RALGPS2: variants seen among roughly 807,000 people sequenced by gnomAD.
The protein encoded by RALGPS2 is Ral GEF with PH domain and SH3 binding motif 2.
RALGPS2 carries 43 observed loss-of-function variants against 86.8 expected under a neutral mutation model. The observed-to-expected ratio is 0.50, with a 90% CI of 0.39 to 0.64. The LOEUF (loss-of-function observed/expected upper bound fraction) is 0.64. RALGPS2 is among the 30% of genes least tolerant of loss of function. The pLI is 0.00. For synonymous variants in RALGPS2, 243 were observed against 231.3 expected, an observed-to-expected ratio of 1.05 and a Z score of -0.46; for missense variants, 536 against 694.6, an observed-to-expected ratio of 0.77 and a Z score of 2.57.
At chr1:178,838,569 A>G (rs1386988352) in intron 8 of RALGPS2, among the ~76,000 whole-genome samples, 4 of 152,332 alleles carry the variant, frequency 2.6e-5, no homozygotes, top group South Asian at 2.1e-4. Context: ...AAAGATGGGG[A>G]AAAAACAGAA....
At chr1:178,801,825 AGG>A (rs2102174484) in intron 4 of RALGPS2, among the ~76,000 whole-genome samples, 1 of 103,280 alleles carries the variant, frequency 9.7e-6, no homozygotes, top group South Asian at 3.7e-4. Flanking sequence ...GAAGGGAGGG[AGG>A]GAGGGAGGGA....
chr1:178,788,521 C>A (rs1184850968), intron 4 of RALGPS2, among the ~76,000 whole-genome samples: 1 of 152,136 alleles, frequency 6.6e-6, no homozygotes, highest in Admixed American at 6.6e-5. Context: ...GAGAAGATGA[C>A]ATCTGCATTA....
chr1:178,826,792 G>A (rs80170742), intron 7 of RALGPS2, among the ~76,000 whole-genome samples: 257 of 152,188 alleles, frequency 1.7e-3, no homozygotes, highest in African/African-American at 5.8e-3. Flanking sequence ...AAAGGACATC[G>A]TTTACAATAT....
intron 1 of RALGPS2, among the ~76,000 whole-genome samples, chr1:178,730,694 GT>G (rs770709282): frequency 1.4e-4 from 19 of 136,316 alleles, no homozygotes; most frequent in African/African-American, 1.3e-4. Flanking sequence ...TGAGAATTCT[GT>G]TTTTTTTTTT....
At chr1:178,737,671 T>C (rs1650792333) in intron 1 of RALGPS2, among the ~76,000 whole-genome samples, 1 of 152,258 alleles carries the variant, frequency 6.6e-6, no homozygotes, top group Admixed American at 6.5e-5. Context: ...AGTATTTTTA[T>C]GGCTTAAATA....
chr1:178,770,271 A>C (rs1271449258), intron 1 of RALGPS2, among the ~76,000 whole-genome samples: 1 of 151,372 alleles, frequency 6.6e-6, no homozygotes, highest in Non-Finnish European at 1.5e-5. Flanking sequence ...CAATCCACCC[A>C]CCTCGGCCTC....
At position 178,872,787 on chromosome 1, in the gene RALGPS2, G is replaced by T. The variant is rs115710594; in HGVS notation, c.608-4711G>T. On this transcript the variant is annotated intron_variant, in intron 8 of 19. Transcript: ENST00000367635. ...GCACTTAGTAATATCACTAGCCAGG[G>T]TAGGAAATTGGAATGACAGGTATTT... Among the ~76,000 whole-genome samples the T allele has an allele frequency of 3.7e-3, 559 of 152,286 alleles. 5 individuals are homozygous for T. The highest frequency in any genetic ancestry group is 0.012 in the African/African-American group (507 of 41,560).
intron 19 of RALGPS2, among the ~76,000 whole-genome samples, chr1:178,907,231 A>T (rs1243585026): frequency 6.6e-6 from 1 of 152,210 alleles, no homozygotes; most frequent in Non-Finnish European, 1.5e-5. Flanking sequence ...AGAAGAGGAG[A>T]GCAGAGTGCT....
In RALGPS2 at chr1:178,878,982, G is replaced by A. The variant is rs772384760; in HGVS notation, c.826G>A (p.Asp276Asn). 6.8e-6 allele frequency: 11 copies of A among 1,612,146 alleles called. No homozygotes were observed. Among genetic ancestry groups the A allele is most frequent in the Middle Eastern group, 3.3e-4 (2 of 6,070 alleles). The change falls in exon 10 of 20, where the codon GAT becomes AAT. Residue 276 changes from aspartate to asparagine, a missense_variant. Around this residue, in one of 3 missense-constraint regions of RALGPS2, gnomAD observed 184 missense variants for 296.7 expected, o/e 0.62. Coordinates refer to ENST00000367635, the MANE Select transcript of RALGPS2 (RefSeq NM_152663.5). ...IEELQKFVED[D>N]NYKLSLKIEP... ...AGAACTACAAAAATTTGTGGAAGAC[G>A]ATAATTACAAGTAGGTTGGATCTTC...
At chr1:178,809,631 T>G (rs1006621854) in intron 5 of RALGPS2, among the ~76,000 whole-genome samples, 1 of 152,134 alleles carries the variant, frequency 6.6e-6, no homozygotes, top group African/African-American at 2.4e-5. Flanking sequence ...GTCTTGGTGT[T>G]GGTTATTCTG....
intron 8 of RALGPS2, among the ~76,000 whole-genome samples, chr1:178,837,263 A>T (rs1040014150): frequency 6.6e-6 from 1 of 152,170 alleles, no homozygotes; most frequent in Non-Finnish European, 1.5e-5. Context: ...ATTTTTAGGT[A>T]CTAAAATACT....
Position 178,785,547 on chromosome 1 carries a change from T to A in RALGPS2, c.163-10T>A, listed in dbSNP as rs1248822930. 6.3e-7 allele frequency: 1 copy of A among 1,576,696 alleles called. No homozygotes were observed. Among genetic ancestry groups the A allele is most frequent in the African/African-American group, 1.4e-5 (1 of 72,908 alleles). On this transcript the variant is annotated splice_polypyrimidine_tract_variant and intron_variant, in intron 3 of 19. Transcript: ENST00000367635. ...AAAGAAGAAATTGTCATTTTTACTTTATATTTCAGGGTCAGATAACATTAA... is the reference window on the plus strand; with the variant it reads ...AAAGAAGAAATTGTCATTTTTACTTAATATTTCAGGGTCAGATAACATTAA...
intron 19 of RALGPS2, among the ~76,000 whole-genome samples, chr1:178,916,087 C>G (rs1660801953): frequency 6.6e-6 from 1 of 152,170 alleles, no homozygotes; most frequent in Admixed American, 6.5e-5. Flanking sequence ...GATATTGTCT[C>G]TACCCCTTCT....
chr1:178,737,356 C>T (rs1650767398), intron 1 of RALGPS2, among the ~76,000 whole-genome samples: 1 of 152,176 alleles, frequency 6.6e-6, no homozygotes, highest in African/African-American at 2.4e-5. Flanking sequence ...AAGCAATTCT[C>T]TGCCTCAGCC....
At chr1:178,770,871 T>C (rs1477282406) in intron 1 of RALGPS2, among the ~76,000 whole-genome samples, 1 of 142,324 alleles carries the variant, frequency 7.0e-6, no homozygotes, top group Non-Finnish European at 1.5e-5. Flanking sequence ...GGAGTTTTGC[T>C]CTTGTTGCCC....
At chr1:178,868,102 A>G (rs892882473) in intron 8 of RALGPS2, among the ~76,000 whole-genome samples, 3 of 151,952 alleles carry the variant, frequency 2.0e-5, no homozygotes, top group Non-Finnish European at 2.9e-5. Context: ...CAAAGCACAC[A>G]TGGGTATTTT....
chr1:178,889,970 G>A (rs537410616), intron 14 of RALGPS2, among the ~76,000 whole-genome samples: 18 of 151,836 alleles, frequency 1.2e-4, no homozygotes, highest in African/African-American at 2.9e-4. Context: ...ACCGATCATC[G>A]ACAAGTAACC....
chr1:178,833,193 ATTAC>A (rs947313776), intron 7 of RALGPS2, among the ~76,000 whole-genome samples: 10 of 152,208 alleles, frequency 6.6e-5, no homozygotes, highest in Non-Finnish European at 1.0e-4. Flanking sequence ...GTTATAATTT[ATTAC>A]TTAGTTAATT....
rs1313735245 is a variant in RALGPS2, at chr1:178,920,548, C to T, written c.*4189C>T. On this transcript the variant is annotated 3_prime_UTR_variant, in exon 20 of 20. Transcript: ENST00000367635. Reference sequence around the variant, plus strand: ...CTCTGTAGGTGATTGTTGCAGTCTTCCTTGGTTTTTGAGTCTTTTTAAACA... The same window carrying T: ...CTCTGTAGGTGATTGTTGCAGTCTTTCTTGGTTTTTGAGTCTTTTTAAACA... The T allele has an allele frequency of 6.6e-6, 1 of 151,934 alleles. No homozygotes were observed. The highest frequency in any genetic ancestry group is 2.4e-5 in the African/African-American group (1 of 41,402). 9.4% of individuals were successfully genotyped at this position (151,934 alleles called of 1,614,324 possible). A position where few individuals can be genotyped will look rare whatever the true frequency, so the allele number is the denominator to read the frequency against.
Sources: allele counts gnomAD v4.1 joint callset (sites outside exome capture counted in the v4.1 genomes callset), GRCh38; gene constraint gnomAD v4.1.1; regional missense constraint gnomAD v4.1.1; transcripts MANE v1.5; gene names NCBI Gene and HGNC (gene_info 2026-07-23, HGNC 2026-07-21).